The following TRMT44 variants were observed in gnomAD, a reference collection of about 807,000 sequenced individuals.
TRMT44 encodes tRNA methyltransferase 44 homolog.
Under a neutral mutation model 77.3 loss-of-function variants are expected in TRMT44, and 78 were observed. The observed-to-expected ratio is 1.01, with a 90% CI of 0.84 to 1.22. TRMT44 has a LOEUF of 1.22. Ranked by LOEUF, TRMT44 falls within the 50% of genes most tolerant of loss-of-function variation. The pLI is 0.00. For synonymous variants in TRMT44, 391 were observed against 383.3 expected, an observed-to-expected ratio of 1.02 and a Z score of -0.23; for missense variants, 1,090 against 964.4, an observed-to-expected ratio of 1.13 and a Z score of -1.73.
chr4:8,468,596 A>G, intron 9 of TRMT44: 1 of 594,252 alleles, frequency 1.7e-6, no homozygotes, highest in Middle Eastern at 4.4e-4. Context: ...ACTTTTACCA[A>G]ACATGCAGGT....
At position 8,464,079 on chromosome 4, in the gene TRMT44, T is replaced by C. The variant is rs775174371; in HGVS notation, c.1298T>C (p.Val433Ala). The C allele has an allele frequency of 4.3e-6, 7 of 1,613,548 alleles. No individual in the cohort carries two copies. In the Admixed American group the frequency reaches 1.2e-4, roughly 27 times the overall value. Reference protein sequence around the residue: ...HSDELTPWIPVIAARSSYNCR... With the variant: ...HSDELTPWIPAIAARSSYNCR... ...GATGAACTCACACCATGGATACCTG[T>C]CATTGCAGCCAGGTGAGAAGTAGAG... Residue 433 changes from valine (V) to alanine (A), a missense_variant, in exon 7 of 11, where the codon GTC (valine) becomes GCC (alanine). Physicochemically the swap from Val to Ala is moderately conservative, Grantham distance 64. Transcript: ENST00000389737.
chr4:8,511,450 G>C, the TRMT44 span, among the ~76,000 whole-genome samples: 1 of 152,152 alleles, frequency 6.6e-6, no homozygotes, highest in South Asian at 2.1e-4. Context: ...ACATGGAACG[G>C]AGACTTTGCA....
intron 2 of TRMT44, among the ~76,000 whole-genome samples, chr4:8,481,810 C>G (rs576898925): frequency 6.6e-6 from 1 of 152,358 alleles, no homozygotes; most frequent in African/African-American, 2.4e-5. Flanking sequence ...GGGACTAGCA[C>G]ACCTAGGGCA....
At chr4:8,471,615 G>A (rs531995796) in intron 10 of TRMT44, among the ~76,000 whole-genome samples, 19 of 152,340 alleles carry the variant, frequency 1.2e-4, no homozygotes, top group South Asian at 2.1e-4. Context: ...TGGGGAGTGG[G>A]AAGAGTGAGC....
At chr4:8,511,621 C>T in the TRMT44 span, among the ~76,000 whole-genome samples, 1 of 151,986 alleles carries the variant, frequency 6.6e-6, no homozygotes, top group Non-Finnish European at 1.5e-5. Flanking sequence ...ATCCCTAAAC[C>T]ATAATGACAG....
chr4:8,504,772 C>A, the TRMT44 span, among the ~76,000 whole-genome samples: 1 of 152,220 alleles, frequency 6.6e-6, no homozygotes, highest in South Asian at 2.1e-4. The surrounding 1 kb of genome is among the most constrained non-coding windows in gnomAD (Gnocchi z 5.3). Flanking sequence ...GCTGCACCTG[C>A]AAACTGCACT....
At position 8,449,929 on chromosome 4, in the gene TRMT44, ATTTTC is replaced by A. The variant is rs749712570; in HGVS notation, c.954+61_954+65del. 1.3e-3 allele frequency: 319 copies of A among 243,656 alleles called. 2 individuals carry two copies. The highest frequency in any genetic ancestry group is 5.5e-3 in the African/African-American group (78 of 14,228). The allele number at this position is 243,656 out of a possible 1,614,324, so 15.1% of individuals were successfully genotyped here. ...AATATCTGATTTTTCCCCCTTCATGATTTTCTTTTCTTTTCTTTTCTTTTTTTTTT... is the reference window on the plus strand; with the variant it reads ...AATATCTGATTTTTCCCCCTTCATGATTTTCTTTTCTTTTCTTTTTTTTTT... On this transcript the variant is annotated intron_variant, in intron 3 of 10. Transcript: ENST00000389737.
At chr4:8,495,117 CAG>C (rs1282585047), downstream of TRMT44, among the ~76,000 whole-genome samples, 2 of 152,204 alleles carry the variant, frequency 1.3e-5, no homozygotes, top group African/African-American at 4.8e-5. Flanking sequence ...CAGGGGAAGA[CAG>C]AACATTTGGA....
Position 8,446,952 on chromosome 4 carries a change from C to T in TRMT44, c.734+362C>T, listed in dbSNP as rs977857100. 1.3e-5 allele frequency among the ~76,000 whole-genome samples: 2 copies of T among 152,198 alleles called. No individual in the cohort carries two copies. The highest frequency in any genetic ancestry group is 2.4e-5 in the African/African-American group (1 of 41,450). On this transcript the variant is annotated intron_variant, in intron 2 of 10. Transcript: ENST00000389737. This position sits in a 1 kb window ranked among gnomAD's most constrained non-coding sequence, Gnocchi z 4.3. ...CCAGGCTGGAGTGCATTGGTGCCAT[C>T]GCATTTCACTGCAACCTCTACCTCC...
chr4:8,500,730 T>G, the TRMT44 span, among the ~76,000 whole-genome samples: 1 of 151,746 alleles, frequency 6.6e-6, no homozygotes, highest in Non-Finnish European at 1.5e-5. Context: ...TGACCTTGAT[T>G]CACTACAACT....
chr4:8,448,480 C>G (rs963188127), intron 2 of TRMT44, among the ~76,000 whole-genome samples: 2 of 152,114 alleles, frequency 1.3e-5, no homozygotes, highest in African/African-American at 4.8e-5. Flanking sequence ...GGAAGAGAGG[C>G]GGATGAAGGA....
At chr4:8,496,068 T>C (rs559329914), downstream of TRMT44, among the ~76,000 whole-genome samples, 2 of 152,326 alleles carry the variant, frequency 1.3e-5, no homozygotes, top group African/African-American at 4.8e-5. Context: ...AACCTTCATT[T>C]GCATAGAGTG....
chr4:8,492,729 G>A (rs1728045433), intron 2 of TRMT44, among the ~76,000 whole-genome samples: 5 of 152,204 alleles, frequency 3.3e-5, no homozygotes, highest in Admixed American at 3.3e-4. Flanking sequence ...CACTGAGATA[G>A]ATGCGTCTCT....
At chr4:8,477,621 C>G (rs1727457933), downstream of TRMT44, 1 of 152,760 alleles carries the variant, frequency 6.5e-6, no homozygotes, top group African/African-American at 2.4e-5. Flanking sequence ...ACTCTCTTCC[C>G]AAAGACAAGC....
chr4:8,492,006 T>G (rs928877492), intron 2 of TRMT44, among the ~76,000 whole-genome samples: 2 of 152,254 alleles, frequency 1.3e-5, no homozygotes, highest in South Asian at 4.1e-4. Flanking sequence ...GCCACCCTTG[T>G]GTCTGTTAAA....
At chr4:8,460,852 C>T (rs552376850) in intron 6 of TRMT44, among the ~76,000 whole-genome samples, 1 of 151,706 alleles carries the variant, frequency 6.6e-6, no homozygotes, top group East Asian at 1.9e-4. Context: ...CACGCAGCCC[C>T]CCTTTTATTT....
At chr4:8,483,637 T>C (rs1336525181) in intron 2 of TRMT44, among the ~76,000 whole-genome samples, 1 of 152,220 alleles carries the variant, frequency 6.6e-6, no homozygotes, top group Middle Eastern at 3.2e-3. Context: ...TAGTCTGTTC[T>C]ACTTTTCCTG....
At chr4:8,501,027 T>G in the TRMT44 span, among the ~76,000 whole-genome samples, 1 of 152,120 alleles carries the variant, frequency 6.6e-6, no homozygotes, top group African/African-American at 2.4e-5. The surrounding 1 kb of genome is among the most constrained non-coding windows in gnomAD (Gnocchi z 4.4). Context: ...TGAGAACGCT[T>G]GGGAAGCACT....
At chr4:8,488,089 AAG>A (rs1173865760) in intron 2 of TRMT44, among the ~76,000 whole-genome samples, 2 of 152,140 alleles carry the variant, frequency 1.3e-5, no homozygotes, top group Admixed American at 1.3e-4. Flanking sequence ...GAGGTTGGAG[AAG>A]AGAGTAAAAA....
Sources: gnomAD v4.1 joint callset for allele counts (sites outside exome capture counted in the v4.1 genomes callset) on GRCh38, gnomAD v4.1.1 for gene constraint, Gnocchi (gnomAD v3.1) non-coding constraint, MANE v1.5 for transcripts, NCBI Gene and HGNC (gene_info 2026-07-23, HGNC 2026-07-21) for gene names.